EPB41L2: variants seen among roughly 807,000 people sequenced by gnomAD.
EPB41L2 encodes the protein erythrocyte membrane protein band 4.1 like 2.
A neutral mutation model predicts 113.0 loss-of-function variants in EPB41L2; 43 were observed. That is an observed-to-expected ratio of 0.38 (90% CI 0.30 to 0.49). The LOEUF (loss-of-function observed/expected upper bound fraction) is 0.49. EPB41L2 is among the 20% of genes least tolerant of loss of function. The pLI, the probability that EPB41L2 is intolerant of heterozygous loss-of-function variation, is 0.95. For synonymous variants in EPB41L2, 442 were observed against 436.7 expected, an observed-to-expected ratio of 1.01 and a Z score of -0.15; for missense variants, 1,147 against 1,223.4, an observed-to-expected ratio of 0.94 and a Z score of 0.93.
At chr6:130,891,702 C>T (rs943038340) in intron 10 of EPB41L2, among the ~76,000 whole-genome samples, 1 of 152,180 alleles carries the variant, frequency 6.6e-6, no homozygotes, top group African/African-American at 2.4e-5. Flanking sequence ...CCCGCCTCAG[C>T]CTCCCAATGT....
Position 130,878,194 on chromosome 6 carries a change from G to C in EPB41L2, c.1953C>G (p.Leu651=), listed in dbSNP as rs1337718262. Residue 651 remains leucine, a synonymous_variant, in exon 14 of 20, where the codon CTC becomes CTG. Transcript: ENST00000337057. ...GTGTGGATTCCATAAAATTGCGCTTGAGTTCACTAATGCTAGCCTGATGTT... is the reference window on the plus strand; with the variant it reads ...GTGTGGATTCCATAAAATTGCGCTTCAGTTCACTAATGCTAGCCTGATGTT... ...ILKHQASISE[L]KRNFMESTPE... is the part of the protein sequence containing the mutation. 6.2e-6 allele frequency: 10 copies of C among 1,613,322 alleles called. No individual in the cohort carries two copies. Among genetic ancestry groups the C allele is most frequent in the Non-Finnish European group, 3.4e-6 (4 of 1,179,818 alleles).
chr6:130,881,846 A>G (rs912058466), intron 12 of EPB41L2: 1 of 152,164 alleles, frequency 6.6e-6, no homozygotes, highest in African/African-American at 2.4e-5. Context: ...CTTATAAAAT[A>G]CCCTATAGTG....
chr6:130,959,048 G>T (rs1382978497), intron 1 of EPB41L2, among the ~76,000 whole-genome samples: 2 of 152,152 alleles, frequency 1.3e-5, no homozygotes, highest in African/African-American at 2.4e-5. Flanking sequence ...AAACAGTAGG[G>T]TAAAGAACAA....
At chr6:130,889,767 CAT>C (rs1792171390) in intron 11 of EPB41L2, among the ~76,000 whole-genome samples, 1 of 152,278 alleles carries the variant, frequency 6.6e-6, no homozygotes, top group Non-Finnish European at 1.5e-5. Context: ...ATCAGTAAAA[CAT>C]ATGTGTCCAA....
intron 1 of EPB41L2, among the ~76,000 whole-genome samples, chr6:130,991,534 A>T (rs970039852): frequency 2.0e-5 from 3 of 152,190 alleles, no homozygotes; most frequent in Admixed American, 6.5e-5. Flanking sequence ...ATCCTACAGT[A>T]TTTTGTTCCT....
intron 1 of EPB41L2, among the ~76,000 whole-genome samples, chr6:130,996,946 C>A (rs1783274031): frequency 6.6e-6 from 1 of 152,170 alleles, no homozygotes. Flanking sequence ...TAACTCTATA[C>A]TCCTTAACAG....
chr6:130,889,387 T>C (rs1466703966), intron 11 of EPB41L2, among the ~76,000 whole-genome samples: 1 of 152,086 alleles, frequency 6.6e-6, no homozygotes, highest in Non-Finnish European at 1.5e-5. Flanking sequence ...GTGTAGTTTA[T>C]ATAAAACTTA....
intron 8 of EPB41L2, among the ~76,000 whole-genome samples, chr6:130,897,488 T>C (rs1043442569): frequency 1.3e-5 from 2 of 152,190 alleles, no homozygotes; most frequent in African/African-American, 2.4e-5. Flanking sequence ...CTTACTTTTC[T>C]AAGAGACAAC....
chr6:131,054,554 C>T (rs1398138482), intron 1 of EPB41L2, among the ~76,000 whole-genome samples: 1 of 152,230 alleles, frequency 6.6e-6, no homozygotes, highest in Non-Finnish European at 1.5e-5. Flanking sequence ...TGTAGGCCTC[C>T]TCAGGTCCCT....
chr6:131,061,424 A>G (rs990794060), intron 1 of EPB41L2, among the ~76,000 whole-genome samples: 4 of 152,102 alleles, frequency 2.6e-5, no homozygotes, highest in African/African-American at 9.7e-5. Flanking sequence ...AAGAATGACC[A>G]CTCGAGCTCT....
chr6:130,870,577 C>A (rs1168477762), intron 14 of EPB41L2, among the ~76,000 whole-genome samples: 1 of 152,132 alleles, frequency 6.6e-6, no homozygotes, highest in Admixed American at 6.5e-5. Context: ...AGCCAGCATC[C>A]TCCCAAAGAA....
intron 1 of EPB41L2, among the ~76,000 whole-genome samples, chr6:131,033,189 T>C (rs911182924): frequency 1.3e-5 from 2 of 148,814 alleles, no homozygotes; most frequent in African/African-American, 5.0e-5. Flanking sequence ...GGCTATGATT[T>C]AAAAAAGAAA....
intron 1 of EPB41L2, among the ~76,000 whole-genome samples, chr6:131,020,006 G>T (rs959655603): frequency 1.3e-5 from 2 of 151,976 alleles, no homozygotes; most frequent in African/African-American, 4.8e-5. Context: ...TGGAAACATG[G>T]TTACTAATTT....
intron 1 of EPB41L2, among the ~76,000 whole-genome samples, chr6:131,051,627 A>T (rs929019563): frequency 6.6e-6 from 1 of 152,166 alleles, no homozygotes; most frequent in African/African-American, 2.4e-5. Context: ...CCTACGAGAA[A>T]CAAGTTGATT....
chr6:130,869,687 C>T lies in EPB41L2; in HGVS notation c.2483G>A (p.Ser828Asn), dbSNP rs1785006427. 6.2e-7 allele frequency: 1 copy of T among 1,614,030 alleles called. No homozygotes were observed. The highest frequency in any genetic ancestry group is 1.3e-5 in the African/African-American group (1 of 74,904). Residue 828 changes from serine to asparagine, a missense_variant, in exon 15 of 20, where the codon AGT becomes AAT. Transcript: ENST00000337057. ...VGAQKIPGEK[S>N]VHEGALKQDM... ...TTGCTTAAGAGCGCCTTCGTGTACA[C>T]TCTTCTCTCCGGGTATCTTTTGGGC...
At chr6:131,039,750 G>C (rs1242297484) in intron 1 of EPB41L2, among the ~76,000 whole-genome samples, 1 of 151,190 alleles carries the variant, frequency 6.6e-6, no homozygotes, top group Non-Finnish European at 1.5e-5. Flanking sequence ...GGGACAATCT[G>C]AACATCAAAA....
rs1460462712 is a variant in EPB41L2, at chr6:130,868,261, G to A, written c.2608-680C>T. On this transcript the variant is annotated intron_variant, in intron 15 of 19. Transcript: ENST00000337057. The stretch of plus-strand genomic sequence containing the variant: ...AGTATTACTGTTTTCAGTTATACCT[G>A]TCTAAAATTTGCAGTGTTTCTTCTG... 7.2e-5 allele frequency: 11 copies of A among 152,394 alleles called. No homozygotes were observed. In the East Asian group the frequency reaches 2.1e-3, roughly 29 times the overall value. 9.4% of individuals were successfully genotyped at this position (152,394 alleles called of 1,614,324 possible). A position where few individuals can be genotyped will look rare whatever the true frequency, so the allele number is the denominator to read the frequency against.
At chr6:131,050,646 G>T (rs1796332629) in intron 1 of EPB41L2, among the ~76,000 whole-genome samples, 1 of 152,126 alleles carries the variant, frequency 6.6e-6, no homozygotes, top group South Asian at 2.1e-4. Flanking sequence ...TCACATTAAT[G>T]TAAATCCCTA....
chr6:130,851,019 G>A (rs1369412808), intron 19 of EPB41L2, among the ~76,000 whole-genome samples: 1 of 152,176 alleles, frequency 6.6e-6, no homozygotes, highest in Non-Finnish European at 1.5e-5. Flanking sequence ...CTCATCTGAG[G>A]TGTGATTAAT....
Sources: allele counts gnomAD v4.1 joint callset (sites outside exome capture counted in the v4.1 genomes callset), GRCh38; gene constraint gnomAD v4.1.1; transcripts MANE v1.5; gene names NCBI Gene and HGNC (gene_info 2026-07-23, HGNC 2026-07-21).